Variants in MEP1A observed in about 807,000 individuals in gnomAD.
MEP1A encodes N-benzoyl-L-tyrosyl-P-amino-benzoic acid hydrolase subunit alpha.
A neutral mutation model predicts 84.5 loss-of-function variants in MEP1A; 68 were observed. That is an observed-to-expected ratio of 0.80 (90% CI 0.66 to 0.98). MEP1A has a LOEUF of 0.98. MEP1A is among the 50% of genes least tolerant of loss of function. MEP1A has a pLI of 0.00. For missense variants in MEP1A, 887 were observed against 919.9 expected (o/e 0.96, Z 0.46); for synonymous variants, 337 against 336.8 (o/e 1.00, Z -0.01).
At chr6:46,808,956 G>T (rs551389545) in intron 5 of MEP1A, among the ~76,000 whole-genome samples, 2 of 151,932 alleles carry the variant, frequency 1.3e-5, no homozygotes, top group Admixed American at 6.6e-5. Flanking sequence ...TTAGATTGGG[G>T]TAAGGAACAC....
chr6:46,826,545 A>G (rs2150753458), intron 9 of MEP1A, 42 bp downstream of exon 9: 3 of 1,390,416 alleles, frequency 2.2e-6, no homozygotes, highest in East Asian at 5.3e-5. Flanking sequence ...GTGGTTCACC[A>G]GGTTCAATTA....
intron 6 of MEP1A, among the ~76,000 whole-genome samples, chr6:46,813,287 T>C (rs1767549476): frequency 1.3e-5 from 2 of 152,222 alleles, no homozygotes; most frequent in African/African-American, 4.8e-5. Context: ...AATCATTGGG[T>C]CAACCATGAA....
At chr6:46,836,873 G>A in intron 13 of MEP1A, among the ~76,000 whole-genome samples, 1 of 149,984 alleles carries the variant, frequency 6.7e-6, no homozygotes, top group East Asian at 2.0e-4. Flanking sequence ...TAGTAAAGAT[G>A]TGCTATGCCT....
chr6:46,835,748 C>T (rs966310915), intron 13 of MEP1A, among the ~76,000 whole-genome samples, 199 bp downstream of exon 13: 7 of 152,296 alleles, frequency 4.6e-5, no homozygotes, highest in African/African-American at 1.7e-4. Context: ...TCCCAGGTCA[C>T]CTTGTCTCTT....
At chr6:46,837,723 A>T (rs145213829) in intron 13 of MEP1A, among the ~76,000 whole-genome samples, 1 of 152,212 alleles carries the variant, frequency 6.6e-6, no homozygotes, top group Admixed American at 6.5e-5. Context: ...AAGTTTTTCT[A>T]AGGTAACACT....
chr6:46,843,865 C>T (rs1194323535), downstream of MEP1A, among the ~76,000 whole-genome samples: 10 of 152,188 alleles, frequency 6.6e-5, no homozygotes, highest in African/African-American at 2.4e-4. Flanking sequence ...TCTGGAGAGG[C>T]TAAGTGCCTT....
At chr6:46,796,445 T>C (rs1447335976) in intron 3 of MEP1A, among the ~76,000 whole-genome samples, 1 of 152,214 alleles carries the variant, frequency 6.6e-6, no homozygotes, top group African/African-American at 2.4e-5. Flanking sequence ...ACCTCAGCAC[T>C]CTTTCCCACT....
chr6:46,839,031 G>A lies in MEP1A; in HGVS notation c.2136G>A (p.Val712=). The A allele has an allele frequency of 6.2e-7, 1 of 1,613,854 alleles. No individual in the cohort carries two copies. Among genetic ancestry groups the A allele is most frequent in the Non-Finnish European group, 8.5e-7 (1 of 1,179,810 alleles). Residue 712 remains valine (V), a synonymous_variant, in exon 14 of 14, where the codon GTG becomes GTA. Transcript: ENST00000230588. ...FFYTGERCQA[V]QVHGSVLGMV... ...ACACGGGGGAGCGCTGTCAGGCCGT[G>A]CAGGTGCACGGCAGTGTCCTGGGCA... is the stretch of plus-strand genomic sequence containing the variant.
At chr6:46,819,084 C>CA (rs1767706531) in intron 6 of MEP1A, among the ~76,000 whole-genome samples, 1 of 152,148 alleles carries the variant, frequency 6.6e-6, no homozygotes, top group Non-Finnish European at 1.5e-5. Flanking sequence ...TGGCACTGCA[C>CA]AGCAACCTGA....
At chr6:46,845,833 A>G in the MEP1A span, among the ~76,000 whole-genome samples, 3 of 152,314 alleles carry the variant, frequency 2.0e-5, no homozygotes, top group Admixed American at 6.5e-5. Flanking sequence ...GTAAGTGCCC[A>G]CTTTTGCTTA....
intron 7 of MEP1A, among the ~76,000 whole-genome samples, chr6:46,824,831 A>AATATATATAAATT (rs1191772717): frequency 1.3e-5 from 1 of 79,914 alleles, no homozygotes. Context: ...GATGTATTTA[A>AATATATATAAATT]ATATATATAA....
At chr6:46,845,589 C>T in the MEP1A span, among the ~76,000 whole-genome samples, 1 of 152,220 alleles carries the variant, frequency 6.6e-6, no homozygotes, top group Admixed American at 6.5e-5. Context: ...TGTACTGCCA[C>T]ATACACATGA....
chr6:46,793,498 G>A, intron 1 of MEP1A, 31 bp downstream of exon 1: 2 of 1,599,014 alleles, frequency 1.3e-6, no homozygotes, highest in Non-Finnish European at 1.7e-6. Flanking sequence ...TGGATATTTA[G>A]AAATATTAAT....
Position 46,798,606 on chromosome 6 carries a change from C to G in MEP1A, c.146C>G (p.Ala49Gly), listed in dbSNP as rs1330627514. The change falls in exon 4 of 14, where the codon GCT becomes GGT. Residue 49 changes from alanine to glycine, a missense_variant and splice_region_variant. Physicochemically the swap from Ala to Gly is moderately conservative, Grantham distance 60 (BLOSUM62 0). Coordinates refer to ENST00000230588, the MANE Select transcript of MEP1A (RefSeq NM_005588.3). ...TTTTTAAAAAAAATTCCACTTCCAGCTGCAGGCTTGGACCTCTTTCAAGGG... is the reference window on the plus strand; with the variant it reads ...TTTTTAAAAAAAATTCCACTTCCAGGTGCAGGCTTGGACCTCTTTCAAGGG... The part of the protein sequence containing the change: ...EQKDISEINL[A>G]AGLDLFQGDI... 6.2e-7 allele frequency: 1 copy of G among 1,613,442 alleles called. No individual in the cohort carries two copies. The highest frequency in any genetic ancestry group is 1.1e-5 in the South Asian group (1 of 91,066).
At chr6:46,798,866 C>T (rs1297582191) in intron 4 of MEP1A, among the ~76,000 whole-genome samples, 4 of 152,210 alleles carry the variant, frequency 2.6e-5, no homozygotes, top group Admixed American at 2.0e-4. Context: ...GATTAAATGG[C>T]TTATCTATCC....
the MEP1A span, among the ~76,000 whole-genome samples, chr6:46,845,585 G>T: frequency 2.6e-5 from 4 of 152,176 alleles, no homozygotes; most frequent in Non-Finnish European, 5.9e-5. Flanking sequence ...ACCCTGTACT[G>T]CCACATACAC....
chr6:46,843,237 C>G (rs753744219), downstream of MEP1A, among the ~76,000 whole-genome samples: 1 of 152,198 alleles, frequency 6.6e-6, no homozygotes, highest in Non-Finnish European at 1.5e-5. Context: ...TCAGTAGTGA[C>G]AACCCCAAAT....
chr6:46,805,310 C>G (rs973375262), intron 5 of MEP1A, among the ~76,000 whole-genome samples: 1 of 151,854 alleles, frequency 6.6e-6, no homozygotes, highest in Admixed American at 6.6e-5. Context: ...CCTTTGCTAA[C>G]ATTTGGTGTT....
Position 46,833,328 on chromosome 6 carries a change from T to A in MEP1A, c.1399T>A (p.Phe467Ile), listed in dbSNP as rs753882570. ...PRFYNSEGYG[F>I]GVTLYPNSRE... ...ATTCTACAATTCGGAGGGATATGGT[T>A]TTGGGGTAACTTTATACCCAAATAG... The change falls in exon 11 of 14, where the codon TTT becomes ATT. Residue 467 changes from phenylalanine (F) to isoleucine (I), a missense_variant. Coordinates refer to ENST00000230588, the MANE Select transcript of MEP1A (RefSeq NM_005588.3). 6.2e-7 allele frequency: 1 copy of A among 1,614,214 alleles called. No homozygotes were observed. The highest frequency in any genetic ancestry group is 1.7e-5 in the Admixed American group (1 of 60,030).
Sources: allele counts gnomAD v4.1 joint callset (sites outside exome capture counted in the v4.1 genomes callset), GRCh38; gene constraint gnomAD v4.1.1; transcripts MANE v1.5; gene names NCBI Gene and HGNC (gene_info 2026-07-23, HGNC 2026-07-21).